The following MYO10 variants were observed in gnomAD, a reference collection of about 807,000 sequenced individuals.
MYO10 encodes the protein unconventional myosin-X.
Under a neutral mutation model 257.3 loss-of-function variants are expected in MYO10, and 133 were observed. That is an observed-to-expected ratio of 0.52 (90% CI 0.45 to 0.60). The LOEUF (loss-of-function observed/expected upper bound fraction) is 0.60. Ranked by LOEUF, MYO10 falls within the 20% of genes least tolerant of loss-of-function variation. The probability of loss-of-function intolerance (pLI) is 0.00; values close to 1 mark genes in which losing one functional copy is unlikely to be tolerated. For synonymous variants in MYO10, 1,104 were observed against 1,028.6 expected (o/e 1.07, Z -1.40); for missense variants, 2,399 against 2,635.7 (o/e 0.91, Z 1.97).
chr5:16,713,536 A>C (rs1040191263), intron 19 of MYO10: 2 of 960,590 alleles, frequency 2.1e-6, no homozygotes, highest in African/African-American at 3.5e-5. Flanking sequence ...TGGTTGTAGG[A>C]TTTGACACAG....
Position 16,665,389 on chromosome 5 carries a change from T to C in MYO10, c.*1303A>G, listed in dbSNP as rs975087678. 1.3e-5 allele frequency: 2 copies of C among 152,212 alleles called. No individual in the cohort carries two copies. The highest frequency in any genetic ancestry group is 4.8e-5 in the African/African-American group (2 of 41,464). The allele number at this position is 152,212 out of a possible 1,614,324, so 9.4% of individuals were successfully genotyped here. A position where few individuals can be genotyped will look rare whatever the true frequency, so the allele number is the denominator to read the frequency against. The stretch of plus-strand genomic sequence containing the variant: ...CACAAAGGGACAAGGCAAATTTCTT[T>C]TTTCGTGTGGGTAGACTTAGTTGGC... On this transcript the variant is annotated 3_prime_UTR_variant, in exon 41 of 41. Coordinates refer to ENST00000513610, the MANE Select transcript of MYO10 (RefSeq NM_012334.3).
chr5:16,680,168 C>A, intron 32 of MYO10, 64 bp from the exon 33 acceptor site: 1 of 1,550,248 alleles, frequency 6.5e-7, no homozygotes. Flanking sequence ...GAGGCAATGC[C>A]TGTGTCCTCT....
At chr5:16,803,393 A>G (rs377512902) in intron 3 of MYO10, among the ~76,000 whole-genome samples, 8 of 152,156 alleles carry the variant, frequency 5.3e-5, no homozygotes, top group African/African-American at 1.7e-4. Flanking sequence ...GTGCCACCGC[A>G]CTCCAGCCTG....
intron 1 of MYO10, among the ~76,000 whole-genome samples, chr5:16,893,911 C>T (rs1013234735): frequency 6.6e-6 from 1 of 152,058 alleles, no homozygotes; most frequent in East Asian, 1.9e-4. Context: ...CACCAGGCAG[C>T]GAGGAGTGAG....
intron 19 of MYO10, among the ~76,000 whole-genome samples, chr5:16,723,828 A>G (rs925193337): frequency 2.2e-4 from 34 of 152,242 alleles, no homozygotes; most frequent in African/African-American, 8.2e-4. Context: ...GTGCATACAT[A>G]GTGCTAGGTG....
At chr5:16,922,564 G>A (rs1195023108) in intron 1 of MYO10, among the ~76,000 whole-genome samples, 2 of 152,208 alleles carry the variant, frequency 1.3e-5, no homozygotes, top group Non-Finnish European at 2.9e-5. Context: ...CTAGGGTCAG[G>A]AGAGGAGAGT....
intron 1 of MYO10, among the ~76,000 whole-genome samples, chr5:16,893,347 T>C (rs1745122947): frequency 1.3e-5 from 2 of 152,168 alleles, no homozygotes; most frequent in East Asian, 1.9e-4. Context: ...AAATTATTTC[T>C]CTCCTGCTGG....
At chr5:16,731,778 AGGCCACCAGCTTGGGATAGGGC>A (rs1207481542) in intron 19 of MYO10, among the ~76,000 whole-genome samples, 1 of 152,250 alleles carries the variant, frequency 6.6e-6, no homozygotes, top group Non-Finnish European at 1.5e-5. Flanking sequence ...GAGGTGACGG[AGGCCACCAGCTTGGGATAGGGC>A]GGCTCCCCAT....
intron 29 of MYO10, among the ~76,000 whole-genome samples, chr5:16,685,258 TG>T (rs1737195907): frequency 6.6e-6 from 1 of 152,200 alleles, no homozygotes; most frequent in African/African-American, 2.4e-5. Context: ...GTCAGGCTGC[TG>T]GAGTTCAGTG....
intron 1 of MYO10, among the ~76,000 whole-genome samples, chr5:16,895,555 A>G (rs894568217): frequency 3.3e-5 from 5 of 151,640 alleles, no homozygotes; most frequent in African/African-American, 1.2e-4. Context: ...GAAGCCTCTC[A>G]CCTCCTGAGG....
chr5:16,839,695 C>G (rs555070412), intron 2 of MYO10, among the ~76,000 whole-genome samples: 1 of 152,066 alleles, frequency 6.6e-6, no homozygotes, highest in Non-Finnish European at 1.5e-5. Context: ...GAGCCGAGAT[C>G]GCACTACTGC....
chr5:16,883,204 C>T (rs527519206), intron 1 of MYO10, among the ~76,000 whole-genome samples: 15 of 152,076 alleles, frequency 9.9e-5, no homozygotes, highest in East Asian at 1.9e-4. Flanking sequence ...TGTGAGCCAC[C>T]GCGCCCGGCC....
rs995382778 is a variant in MYO10 at position 16,698,686 on chromosome 5, C to G, written c.3556+764G>C. ...TCGCCCAGGCTGGGGTGCAGTGGCG[C>G]GATCTCGGCTCACTGCAAGCTCCGC... is the stretch of plus-strand genomic sequence containing the variant. On this transcript the variant is annotated intron_variant, in intron 26 of 40. Transcript: ENST00000513610. Among the ~76,000 whole-genome samples the G allele has an allele frequency of 1.0e-4, 14 of 136,718 alleles. 1 individual carries two copies. The highest frequency in any genetic ancestry group is 4.6e-4 in the African/African-American group (14 of 30,754). 89.7% of individuals were successfully genotyped at this position (136,718 alleles called of 152,430 possible).
intron 22 of MYO10, 79 bp downstream of exon 22, chr5:16,704,500 C>T: frequency 8.0e-7 from 1 of 1,257,256 alleles, no homozygotes; most frequent in Non-Finnish European, 1.1e-6. Flanking sequence ...AACCTCAGGC[C>T]ACTCCACTGG....
chr5:16,691,056 T>C (rs1023758925), intron 27 of MYO10, among the ~76,000 whole-genome samples: 1 of 149,504 alleles, frequency 6.7e-6, no homozygotes, highest in South Asian at 2.1e-4. Context: ...GATCATGAGG[T>C]CAGGAGATCG....
chr5:16,784,432 T>C (rs1005128315), intron 4 of MYO10, among the ~76,000 whole-genome samples: 1 of 152,190 alleles, frequency 6.6e-6, no homozygotes, highest in African/African-American at 2.4e-5. Context: ...GCTGCTGCCG[T>C]TGTTTAGGCC....
intron 2 of MYO10, among the ~76,000 whole-genome samples, chr5:16,866,546 G>A (rs941651737): frequency 2.6e-5 from 4 of 152,162 alleles, no homozygotes; most frequent in African/African-American, 7.2e-5. Flanking sequence ...GAGGTTAATT[G>A]GGTTGGAGGC....
rs1736066026 is a variant in MYO10 at position 16,663,928 on chromosome 5, G to C, written c.*2764C>G. On this transcript the variant is annotated 3_prime_UTR_variant, in exon 41 of 41. Transcript: ENST00000513610. Reference sequence around the variant, plus strand: ...GGGGTCCTGGAACCAATCTCCCTTGGATACCAAGGGACGACTGCACTTCAC... The same window carrying C: ...GGGGTCCTGGAACCAATCTCCCTTGCATACCAAGGGACGACTGCACTTCAC... The C allele has an allele frequency of 1.3e-5, 2 of 151,920 alleles. No homozygotes were observed. The highest frequency in any genetic ancestry group is 2.4e-5 in the African/African-American group (1 of 41,308). 9.4% of individuals were successfully genotyped at this position (151,920 alleles called of 1,614,324 possible).
intron 26 of MYO10, among the ~76,000 whole-genome samples, chr5:16,697,497 C>T (rs1023168415): frequency 1.3e-5 from 2 of 151,970 alleles, no homozygotes; most frequent in East Asian, 1.9e-4. Context: ...GTTAGGAGTT[C>T]GAGACCAGCC....
Sources: allele counts gnomAD v4.1 joint callset (sites outside exome capture counted in the v4.1 genomes callset), GRCh38; gene constraint gnomAD v4.1.1; transcripts MANE v1.5; gene names NCBI Gene and HGNC (gene_info 2026-07-23, HGNC 2026-07-21).